Variants in ART3 observed in about 807,000 individuals in gnomAD.
ART3 encodes ADP-ribosyltransferase 3 (inactive).
Under a neutral mutation model 48.5 loss-of-function variants are expected in ART3, and 49 were observed. The observed-to-expected ratio is 1.01, with a 90% CI of 0.80 to 1.28. The LOEUF is 1.28. Among genes scored for constraint, ART3 ranks in the 50% most tolerant of loss-of-function variants. The pLI is 0.00. For missense variants in ART3, 438 were observed against 454.3 expected, an observed-to-expected ratio of 0.96 and a Z score of 0.33; for synonymous variants, 145 against 157.2, an observed-to-expected ratio of 0.92 and a Z score of 0.58.
intron 1 of ART3, among the ~76,000 whole-genome samples, chr4:76,053,712 A>G (rs1052912354): frequency 6.6e-6 from 1 of 152,252 alleles, no homozygotes; most frequent in Non-Finnish European, 1.5e-5. Context: ...ACACAGAAGT[A>G]GAAATGATCA....
At chr4:76,100,386 A>T in intron 6 of ART3, 66 bp downstream of exon 6, 1 of 1,512,538 alleles carries the variant, frequency 6.6e-7, no homozygotes, top group Admixed American at 1.7e-5. Context: ...TAATCCCAGC[A>T]CTTTGGGAGG....
intron 1 of ART3, among the ~76,000 whole-genome samples, chr4:76,048,430 A>G (rs1467397383): frequency 6.6e-6 from 1 of 151,820 alleles, no homozygotes; most frequent in Non-Finnish European, 1.5e-5. Flanking sequence ...CCAATGGCTT[A>G]GGATGCATTT....
chr4:76,098,843 T>G, intron 4 of ART3, 112 bp from the exon 5 acceptor site: 1 of 885,606 alleles, frequency 1.1e-6, no homozygotes, highest in Middle Eastern at 2.3e-4. Flanking sequence ...TTTATGTTTC[T>G]TAAATATAAG....
chr4:76,040,479 CAT>C (rs1734862630), intron 1 of ART3, among the ~76,000 whole-genome samples: 4 of 149,748 alleles, frequency 2.7e-5, no homozygotes, highest in Non-Finnish European at 5.9e-5. Flanking sequence ...CACACACACA[CAT>C]TTCGCCTAAC....
At chr4:76,033,204 T>G (rs1300538557) in intron 1 of ART3, among the ~76,000 whole-genome samples, 1 of 152,106 alleles carries the variant, frequency 6.6e-6, no homozygotes, top group African/African-American at 2.4e-5. Flanking sequence ...GAATAAGTCT[T>G]GGAAAATGGA....
upstream of ART3, among the ~76,000 whole-genome samples, chr4:76,072,124 G>C (rs1045811656): frequency 4.6e-5 from 7 of 152,074 alleles, no homozygotes; most frequent in African/African-American, 1.7e-4. Context: ...TCCCTGTGTT[G>C]CCCAGGCTAG....
chr4:76,077,308 A>C (rs1253734901), intron 2 of ART3, among the ~76,000 whole-genome samples: 1 of 152,096 alleles, frequency 6.6e-6, no homozygotes, highest in African/African-American at 2.4e-5. Flanking sequence ...GGCTTCTTTC[A>C]CTTAGCATAA....
At chr4:76,034,278 C>A (rs765218044) in intron 1 of ART3, 3 of 396,362 alleles carry the variant, frequency 7.6e-6, no homozygotes, top group Admixed American at 4.4e-5. Context: ...ATGCTTTTGA[C>A]TTATAAGGGC....
intron 1 of ART3, among the ~76,000 whole-genome samples, chr4:76,054,255 A>G (rs1718460097): frequency 6.6e-6 from 1 of 152,232 alleles, no homozygotes; most frequent in Admixed American, 6.5e-5. Context: ...TGTGAATGTT[A>G]GAAGAGCTAT....
At chr4:76,077,702 C>A (rs1265595778) in intron 2 of ART3, among the ~76,000 whole-genome samples, 1 of 152,076 alleles carries the variant, frequency 6.6e-6, no homozygotes, top group Admixed American at 6.6e-5. Flanking sequence ...TGTTTCACTT[C>A]TCTTGGGTGT....
At chr4:76,023,371 C>G in intron 1 of ART3, 1 of 1,611,078 alleles carries the variant, frequency 6.2e-7, no homozygotes, top group East Asian at 2.2e-5. Context: ...TGTTCCTTAC[C>G]TTGAATGCCA....
rs529099381 is a variant in ART3, at chr4:76,086,066, C to T, written c.781+3531C>T. 6.9e-4 allele frequency among the ~76,000 whole-genome samples: 104 copies of T among 151,758 alleles called. 3 individuals carry two copies. In the South Asian group the frequency reaches 0.021, roughly 31 times the overall value. Reference sequence around the variant, plus strand: ...CAGCCTGGTCAACAAGAGTCCCCCCCCCCGCTCCCTCCCCGCAGAAAAACA... The same window carrying T: ...CAGCCTGGTCAACAAGAGTCCCCCCTCCCGCTCCCTCCCCGCAGAAAAACA... On this transcript the variant is annotated intron_variant, in intron 3 of 11. Coordinates refer to ENST00000355810, the MANE Select transcript of ART3 (RefSeq NM_001130016.3).
intron 11 of ART3, chr4:76,112,044 A>T (rs1022313669): frequency 9.9e-6 from 2 of 202,508 alleles, no homozygotes; most frequent in Non-Finnish European, 2.0e-5. Context: ...TACATATAAC[A>T]TATAAAATAT....
At chr4:76,106,650 G>T (rs1204221660) in intron 10 of ART3, among the ~76,000 whole-genome samples, 1 of 152,134 alleles carries the variant, frequency 6.6e-6, no homozygotes, top group Admixed American at 6.6e-5. Flanking sequence ...TGCACCTGAA[G>T]AGAAAGGAAT....
In ART3 at chr4:76,079,220, C is replaced by T. The variant is rs1227316934; in HGVS notation, c.70-2604C>T. On this transcript the variant is annotated intron_variant, in intron 2 of 11. Transcript: ENST00000355810. Reference sequence around the variant, plus strand: ...GGCGGGGGGCTAATAATAGTACCTACCTCACAAGGTTGCCGAACACTTAGT... The same window carrying T: ...GGCGGGGGGCTAATAATAGTACCTATCTCACAAGGTTGCCGAACACTTAGT... 2.0e-5 allele frequency among the ~76,000 whole-genome samples: 3 copies of T among 148,766 alleles called. No homozygotes were observed. The South Asian group carries it at 6.4e-4, about 32-fold the overall frequency.
Position 76,082,004 on chromosome 4 carries a change from A to G in ART3, c.250A>G (p.Ile84Val). Reference protein sequence around the residue: ...KAKWAARKTQIFLPMNFKDNH... With the variant: ...KAKWAARKTQVFLPMNFKDNH... ...CAAATGGGCAGCCCGAAAGACTCAA[A>G]TCTTTCTCCCTATGAATTTTAAGGA... Residue 84 changes from isoleucine to valine, a missense_variant, in exon 3 of 12, where the codon ATC (isoleucine) becomes GTC (valine). This residue lies in a region of ART3 where 206 missense variants were observed against 205.3 expected (regional missense o/e 1.00). Coordinates refer to ENST00000355810, the MANE Select transcript of ART3 (RefSeq NM_001130016.3). 2 of 1,614,192 alleles carry G rather than the reference A, an allele frequency of 1.2e-6. No individual in the cohort carries two copies. Among genetic ancestry groups the G allele is most frequent in the Non-Finnish European group, 1.7e-6 (2 of 1,180,020 alleles).
intron 1 of ART3, among the ~76,000 whole-genome samples, chr4:76,040,280 G>A (rs1211206308): frequency 3.9e-5 from 6 of 152,092 alleles, no homozygotes; most frequent in Admixed American, 3.3e-4. Context: ...AGCCAAGATC[G>A]CGTCACTGCA....
At chr4:76,100,898 A>C in intron 7 of ART3, 74 bp downstream of exon 7, 1 of 1,601,072 alleles carries the variant, frequency 6.2e-7, no homozygotes, top group Non-Finnish European at 8.5e-7. Flanking sequence ...GAATATTTTC[A>C]TATTTACTGA....
At chr4:76,050,098 C>G (rs1453942994) in intron 1 of ART3, among the ~76,000 whole-genome samples, 2 of 152,022 alleles carry the variant, frequency 1.3e-5, no homozygotes, top group East Asian at 3.9e-4. Context: ...GTGAGTGTTA[C>G]AGCTCATAAA....
Sources: gnomAD v4.1 joint callset for allele counts (sites outside exome capture counted in the v4.1 genomes callset) on GRCh38, gnomAD v4.1.1 for gene constraint, gnomAD v4.1.1 regional missense constraint, MANE v1.5 for transcripts, NCBI Gene and HGNC (gene_info 2026-07-23, HGNC 2026-07-21) for gene names.